The following H2BC18 variants were observed in gnomAD, a reference collection of about 807,000 sequenced individuals.
H2BC18 encodes histone H2B type 2-F.
A neutral mutation model predicts 6.3 loss-of-function variants in H2BC18; 8 were observed. That is an observed-to-expected ratio of 1.28 (90% CI 0.75 to 2.31). The LOEUF (loss-of-function observed/expected upper bound fraction) is 2.31. Among genes scored for constraint, H2BC18 ranks in the 30% most tolerant of loss-of-function variants. H2BC18 has a pLI of 0.00. For missense variants in H2BC18, 106 were observed against 174.5 expected (o/e 0.61, Z 2.21); for synonymous variants, 104 against 78.1 (o/e 1.33, Z -1.75).
downstream of H2BC18, chr1:149,810,906 A>C (rs1163300802): frequency 6.6e-6 from 1 of 152,348 alleles, no homozygotes; most frequent in South Asian, 2.1e-4. Context: ...CAGGAGAAGC[A>C]CCTGGAAGCA....
intron 1 of H2BC18, among the ~76,000 whole-genome samples, chr1:149,797,382 C>T (rs1247521373): frequency 2.0e-5 from 3 of 151,974 alleles, no homozygotes; most frequent in African/African-American, 7.3e-5. Context: ...CAAAAATACA[C>T]ATCATTTTAA....
intron 1 of H2BC18, among the ~76,000 whole-genome samples, chr1:149,802,715 C>T (rs189882639): frequency 1.3e-5 from 2 of 152,308 alleles, no homozygotes; most frequent in Admixed American, 1.3e-4. Flanking sequence ...GCCCACAGTG[C>T]AGCCTTCAGT....
Position 149,787,326 on chromosome 1 carries a change from T to C in H2BC18, c.378-4066A>G, listed in dbSNP as rs1317884491. 12 of 152,336 alleles carry C rather than the reference T, an allele frequency of 7.9e-5. No individual in the cohort carries two copies. In the East Asian group the frequency reaches 9.6e-4, roughly 12 times the overall value. The allele number at this position is 152,336 out of a possible 1,614,324, so 9.4% of individuals were successfully genotyped here. On this transcript the variant is annotated intron_variant, in intron 1 of 1. Transcript: ENST00000545683. The stretch of plus-strand genomic sequence containing the variant: ...CCGCCTTAGTCTCCTAAGAACCCCA[T>C]TTTTACTTAGCCAAACCAACTGCCT...
intron 1 of H2BC18, among the ~76,000 whole-genome samples, chr1:149,803,400 T>C (rs2091891061): frequency 6.6e-6 from 1 of 152,246 alleles, no homozygotes; most frequent in South Asian, 2.1e-4. Context: ...TATTGTCCTT[T>C]GATCATGTAA....
At chr1:149,801,236 C>T (rs1553753306) in intron 1 of H2BC18, among the ~76,000 whole-genome samples, 2 of 151,746 alleles carry the variant, frequency 1.3e-5, no homozygotes, top group African/African-American at 4.8e-5. Context: ...TGGTCCACTC[C>T]TGTCTTCTGC....
At chr1:149,803,404 C>T (rs2091891088) in intron 1 of H2BC18, among the ~76,000 whole-genome samples, 1 of 152,236 alleles carries the variant, frequency 6.6e-6, no homozygotes, top group Non-Finnish European at 1.5e-5. Flanking sequence ...GTCCTTTGAT[C>T]ATGTAAAGCA....
chr1:149,792,694 G>C lies in H2BC18; in HGVS notation c.378-9434C>G, dbSNP rs1317142824. On this transcript the variant is annotated intron_variant, in intron 1 of 1. Coordinates refer to the H2BC18 transcript ENST00000545683. ...CGCCAGCGCCCGGGGACCCAGCTGC[G>C]GCGAAAGCTGTTGGGCGCGCGCTTC... The C allele has an allele frequency of 1.6e-5, 20 of 1,281,798 alleles. 1 individual carries two copies. Among genetic ancestry groups the C allele is most frequent in the African/African-American group, 4.7e-5 (3 of 64,024 alleles). The allele number at this position is 1,281,798 out of a possible 1,614,324, so 79.4% of individuals were successfully genotyped here. A position where few individuals can be genotyped will look rare whatever the true frequency, so the allele number is the denominator to read the frequency against.
intron 1 of H2BC18, chr1:149,786,459 CA>C (rs2091552537): frequency 6.6e-6 from 1 of 152,214 alleles, no homozygotes; most frequent in Non-Finnish European, 1.5e-5. Flanking sequence ...AATACACCAA[CA>C]TTTTTGGTTG....
chr1:149,811,840 A>T (rs1206010673), downstream of H2BC18: 25 of 1,068,890 alleles, frequency 2.3e-5, no homozygotes, highest in Non-Finnish European at 3.4e-5. Context: ...AAAGCTATCA[A>T]ACGCTCTGAC....
downstream of H2BC18, chr1:149,811,260 C>G (rs1474184784): frequency 6.4e-6 from 1 of 155,394 alleles, no homozygotes; most frequent in African/African-American, 2.4e-5. Context: ...TCTAGCACCT[C>G]CCCCGCAACA....
At position 149,812,106 on chromosome 1, in the gene H2BC18, C is replaced by T. The variant is rs782222399; in HGVS notation, c.218G>A (p.Arg73His). Residue 73 changes from arginine to histidine, a missense_variant, in exon 1 of 1, where the codon CGC (arginine) becomes CAC (histidine). By Grantham distance (29) the Arg-to-His change is conservative. This residue lies in a region of H2BC18 where 35 missense variants were observed against 72.3 expected (regional missense o/e 0.48). Transcript: ENST00000369167. Reference sequence around the variant, plus strand: ...CAGGCGGGACGCCTCTCCCGCGATGCGCTCGAAGATGTCGTTGACGAAGGA... The same window carrying T: ...CAGGCGGGACGCCTCTCCCGCGATGTGCTCGAAGATGTCGTTGACGAAGGA... ...MNSFVNDIFE[R>H]IAGEASRLAH... 3.7e-6 allele frequency: 6 copies of T among 1,614,248 alleles called. No individual in the cohort carries two copies. The highest frequency in any genetic ancestry group is 3.4e-6 in the Non-Finnish European group (4 of 1,180,046).
chr1:149,807,510 GC>G (rs1453489624), downstream of H2BC18, among the ~76,000 whole-genome samples: 2 of 48,586 alleles, frequency 4.1e-5, no homozygotes, highest in African/African-American at 1.7e-4. Context: ...AAAAGGCATG[GC>G]GGGGGGGGGG....
At chr1:149,800,931 C>T (rs1553753270) in intron 1 of H2BC18, among the ~76,000 whole-genome samples, 2 of 152,044 alleles carry the variant, frequency 1.3e-5, no homozygotes, top group Non-Finnish European at 2.9e-5. Context: ...ATAAAAAATA[C>T]AAAAATTAGC....
At chr1:149,791,593 T>A in intron 1 of H2BC18, 7 of 1,559,968 alleles carry the variant, frequency 4.5e-6, no homozygotes, top group Non-Finnish European at 6.0e-6. Flanking sequence ...CGTACAAACA[T>A]CCAAAAGTTC....
exon 2 of H2BC18, chr1:149,782,967 T>C: frequency 1.6e-6 from 1 of 621,118 alleles, no homozygotes; most frequent in South Asian, 2.0e-5. Flanking sequence ...GCATTAAGCC[T>C]GGACGCACCG....
intron 1 of H2BC18, chr1:149,786,873 A>C (rs1291707005): frequency 1.3e-5 from 2 of 152,212 alleles, no homozygotes; most frequent in Admixed American, 6.5e-5. Flanking sequence ...ACATGGTATC[A>C]GTTCATTAGT....
chr1:149,812,314 G>A lies in H2BC18; in HGVS notation c.10C>T (p.Pro4Ser). The change falls in exon 1 of 1, where the codon CCA becomes TCA. Residue 4 changes from proline to serine, a missense_variant. By Grantham distance (74) the Pro-to-Ser change is moderately conservative (BLOSUM62 -1). Around this residue, in one of 3 missense-constraint regions of H2BC18, gnomAD observed 70 missense variants for 64.6 expected, o/e 1.08. Coordinates refer to ENST00000369167, the MANE Select transcript of H2BC18 (RefSeq NM_001024599.5). ...TTGGGAGCAGGAGCGGATTTCGCTG[G>A]ATCCGGCATTTTTGCGCGAAAAAAG... is the stretch of plus-strand genomic sequence containing the variant. MPD[P>S]AKSAPAPKKG... 1.2e-6 allele frequency: 2 copies of A among 1,614,190 alleles called. No individual in the cohort carries two copies. The highest frequency in any genetic ancestry group is 1.1e-5 in the South Asian group (1 of 91,088).
intron 1 of H2BC18, among the ~76,000 whole-genome samples, chr1:149,799,372 A>G (rs587763497): frequency 4.6e-5 from 7 of 152,300 alleles, no homozygotes; most frequent in African/African-American, 1.7e-4. Context: ...TTGTTCCCAA[A>G]TTTTGTCACT....
At chr1:149,811,012 ACCTGTAAACAGCCTATGAAGTGCTCAG>A (rs1196613965), downstream of H2BC18, 1 of 152,230 alleles carries the variant, frequency 6.6e-6, no homozygotes, top group African/African-American at 2.4e-5. Flanking sequence ...GTGGAGAAGG[ACCTGTAAACAGCCTATGAAGTGCTCAG>A]CTTTCACCAA....
Sources: gnomAD v4.1 joint callset for allele counts (sites outside exome capture counted in the v4.1 genomes callset) on GRCh38, gnomAD v4.1.1 for gene constraint, gnomAD v4.1.1 regional missense constraint, MANE v1.5 for transcripts, NCBI Gene and HGNC (gene_info 2026-07-23, HGNC 2026-07-21) for gene names.